The following B4GALT5 variants were observed in gnomAD, a reference collection of about 807,000 sequenced individuals.
The protein encoded by B4GALT5 is beta-1,4-galactosyltransferase 5, also known as UDP-Gal:beta-GlcNAc beta-1,4-galactosyltransferase 5.
B4GALT5 carries 11 observed loss-of-function variants against 45.0 expected under a neutral mutation model. The ratio of observed to expected loss-of-function variants is 0.24; its 90% CI spans 0.15 to 0.40. The LOEUF (loss-of-function observed/expected upper bound fraction) is 0.40. Among genes scored for constraint, B4GALT5 ranks in the 10% least tolerant of loss-of-function variants. The probability of loss-of-function intolerance (pLI) is 1.00; values close to 1 mark genes in which losing one functional copy is unlikely to be tolerated. For synonymous variants in B4GALT5, 185 were observed against 182.9 expected, an observed-to-expected ratio of 1.01 and a Z score of -0.09; for missense variants, 337 against 500.2, an observed-to-expected ratio of 0.67 and a Z score of 3.11.
chr20:49,664,518 C>T (rs2085680746), intron 1 of B4GALT5, among the ~76,000 whole-genome samples: 1 of 147,050 alleles, frequency 6.8e-6, no homozygotes. Context: ...TACAAAATAA[C>T]TGATCTGGAC....
At chr20:49,646,408 T>G (rs1342315468) in intron 3 of B4GALT5, among the ~76,000 whole-genome samples, 1 of 152,120 alleles carries the variant, frequency 6.6e-6, no homozygotes, top group Non-Finnish European at 1.5e-5. Context: ...TACACAGCTG[T>G]ACCATTTTTT....
intron 1 of B4GALT5, among the ~76,000 whole-genome samples, chr20:49,688,312 A>T (rs528631153): frequency 6.6e-6 from 1 of 152,186 alleles, no homozygotes; most frequent in Non-Finnish European, 1.5e-5. Context: ...ATGTACTAAG[A>T]AGACAAAGAT....
chr20:49,677,567 T>C lies in B4GALT5; in HGVS notation c.116-20865A>G, dbSNP rs910005443. On this transcript the variant is annotated intron_variant, in intron 1 of 8. Transcript: ENST00000371711. ...ATGGTAAAATGAATACATGAAAACT[T>C]TGCAATCTATTTTTGAAGAATTGTC... 8.5e-5 allele frequency among the ~76,000 whole-genome samples: 13 copies of C among 152,230 alleles called. No homozygotes were observed. The East Asian group carries it at 9.6e-4, about 11-fold the overall frequency.
At chr20:49,667,329 A>T (rs2085695593) in intron 1 of B4GALT5, among the ~76,000 whole-genome samples, 1 of 151,026 alleles carries the variant, frequency 6.6e-6, no homozygotes, top group Non-Finnish European at 1.5e-5. Flanking sequence ...AGCTCACTGC[A>T]GGCTGCGCCC....
At chr20:49,670,202 T>C (rs1289725130) in intron 1 of B4GALT5, among the ~76,000 whole-genome samples, 1 of 152,216 alleles carries the variant, frequency 6.6e-6, no homozygotes, top group East Asian at 1.9e-4. Flanking sequence ...CTATGCAACC[T>C]TATCACCATA....
At chr20:49,690,993 T>C (rs891462711) in intron 1 of B4GALT5, among the ~76,000 whole-genome samples, 3 of 152,244 alleles carry the variant, frequency 2.0e-5, no homozygotes, top group Non-Finnish European at 4.4e-5. Context: ...GGCAGACAGA[T>C]AATTTAACGT....
intron 8 of B4GALT5, 28 bp downstream of exon 8, chr20:49,637,313 C>G (rs560511759): frequency 6.3e-7 from 1 of 1,578,374 alleles, no homozygotes; most frequent in South Asian, 1.1e-5. Context: ...GGGGATACTT[C>G]TAAGAGACAG....
At chr20:49,659,429 A>AATGGAC (rs1211634355) in intron 1 of B4GALT5, among the ~76,000 whole-genome samples, 11 of 152,172 alleles carry the variant, frequency 7.2e-5, no homozygotes, top group Non-Finnish European at 1.6e-4. Flanking sequence ...ATGGTCTATT[A>AATGGAC]CAGACTATCA....
At chr20:49,697,902 C>T (rs961606363) in intron 1 of B4GALT5, among the ~76,000 whole-genome samples, 1 of 152,150 alleles carries the variant, frequency 6.6e-6, no homozygotes, top group African/African-American at 2.4e-5. Flanking sequence ...TTTCTTTTAG[C>T]AAAGTCTGAC....
At chr20:49,712,183 T>C (rs1319310622) in intron 1 of B4GALT5, among the ~76,000 whole-genome samples, 1 of 152,214 alleles carries the variant, frequency 6.6e-6, no homozygotes, top group Non-Finnish European at 1.5e-5. Flanking sequence ...TTTACTTATT[T>C]TTAAAACTCT....
rs186407456 is a variant in B4GALT5 at position 49,679,613 on chromosome 20, T to C, written c.116-22911A>G. ...ATCACTTGAACCCAGGAGGCGGAGGTTGCAGTGAGCCGAGATCCCACCACT... is the reference window on the plus strand; with the variant it reads ...ATCACTTGAACCCAGGAGGCGGAGGCTGCAGTGAGCCGAGATCCCACCACT... On this transcript the variant is annotated intron_variant, in intron 1 of 8. Coordinates refer to ENST00000371711, the MANE Select transcript of B4GALT5 (RefSeq NM_004776.4). Among the ~76,000 whole-genome samples the C allele has an allele frequency of 5.3e-3, 793 of 150,596 alleles. 3 individuals are homozygous for C. Among genetic ancestry groups the C allele is most frequent in the Middle Eastern group, 0.021 (6 of 292 alleles).
At chr20:49,636,485 G>A (rs375680807) in intron 8 of B4GALT5, 26 bp from the exon 9 acceptor site, 1 of 1,613,174 alleles carries the variant, frequency 6.2e-7, no homozygotes, top group Non-Finnish European at 8.5e-7. Flanking sequence ...ACAGAGAAGA[G>A]GTGGCTCTGA....
At chr20:49,704,099 G>C (rs1238268776) in intron 1 of B4GALT5, among the ~76,000 whole-genome samples, 2 of 152,080 alleles carry the variant, frequency 1.3e-5, no homozygotes, top group African/African-American at 4.8e-5. Flanking sequence ...ACCTTCACCA[G>C]CCAAGTCTAC....
chr20:49,708,871 G>T (rs1045227152), intron 1 of B4GALT5, among the ~76,000 whole-genome samples: 4 of 150,816 alleles, frequency 2.7e-5, no homozygotes, highest in Non-Finnish European at 5.9e-5. Flanking sequence ...GGCGGAGGTT[G>T]CAGTGAGCTG....
intron 1 of B4GALT5, among the ~76,000 whole-genome samples, chr20:49,712,987 G>A (rs1051240319): frequency 4.0e-5 from 6 of 151,462 alleles, no homozygotes; most frequent in South Asian, 2.1e-4. Flanking sequence ...TAGGGAGGAG[G>A]ACCTGGAGGT....
intron 1 of B4GALT5, among the ~76,000 whole-genome samples, chr20:49,672,510 T>G (rs1313288833): frequency 6.6e-6 from 1 of 152,218 alleles, no homozygotes; most frequent in South Asian, 2.1e-4. Flanking sequence ...ACGGGTTCTC[T>G]GGGCCATGCA....
chr20:49,669,191 T>G (rs1318297406), intron 1 of B4GALT5, among the ~76,000 whole-genome samples: 1 of 152,040 alleles, frequency 6.6e-6, no homozygotes, highest in East Asian at 1.9e-4. Context: ...CTTTCCTAGC[T>G]TTTCCTGGTA....
At chr20:49,662,515 G>C (rs1192001355) in intron 1 of B4GALT5, among the ~76,000 whole-genome samples, 2 of 152,130 alleles carry the variant, frequency 1.3e-5, no homozygotes, top group Non-Finnish European at 2.9e-5. Flanking sequence ...AGACAATATA[G>C]AGTTTTCTGA....
At chr20:49,676,522 C>T (rs190768336) in intron 1 of B4GALT5, among the ~76,000 whole-genome samples, 133 of 152,308 alleles carry the variant, frequency 8.7e-4, no homozygotes, top group African/African-American at 2.9e-3. Context: ...TGTGCTAACC[C>T]CATTAAAAAT....
Sources: allele counts gnomAD v4.1 joint callset (sites outside exome capture counted in the v4.1 genomes callset), GRCh38; gene constraint gnomAD v4.1.1; transcripts MANE v1.5; gene names NCBI Gene and HGNC (gene_info 2026-07-23, HGNC 2026-07-21).